ELL: variants seen among roughly 807,000 people sequenced by gnomAD.
The protein encoded by ELL is elongation factor for RNA polymerase II.
In ELL, 18 loss-of-function variants were observed where a neutral mutation model predicts 64.0. The observed-to-expected ratio is 0.28, with a 90% CI of 0.19 to 0.42. The LOEUF (loss-of-function observed/expected upper bound fraction) is 0.42, where lower values mean the gene tolerates loss of function less well. Among genes scored for constraint, ELL ranks in the 10% least tolerant of loss-of-function variants. The pLI is 1.00. For missense variants in ELL, 797 were observed against 870.4 expected, an observed-to-expected ratio of 0.92 and a Z score of 1.06; for synonymous variants, 399 against 376.2, an observed-to-expected ratio of 1.06 and a Z score of -0.70.
chr19:18,452,848 G>C (rs1443617865), intron 6 of ELL, among the ~76,000 whole-genome samples: 1 of 152,240 alleles, frequency 6.6e-6, no homozygotes, highest in Non-Finnish European at 1.5e-5. Context: ...GGGATTCAGA[G>C]GCCCCAAGCT....
chr19:18,498,101 T>C (rs1252844566), intron 1 of ELL, among the ~76,000 whole-genome samples: 1 of 151,542 alleles, frequency 6.6e-6, no homozygotes, highest in African/African-American at 2.4e-5. Context: ...CACTCCATCC[T>C]GGGCAACAAG....
chr19:18,484,662 T>TAACAA (rs1356105318), intron 1 of ELL, among the ~76,000 whole-genome samples: 3 of 151,880 alleles, frequency 2.0e-5, no homozygotes, highest in African/African-American at 4.8e-5. Flanking sequence ...AAACAAAACA[T>TAACAA]AACAAAACCG....
At chr19:18,482,800 C>CTGCTGT (rs1975333099) in intron 1 of ELL, among the ~76,000 whole-genome samples, 1 of 85,924 alleles carries the variant, frequency 1.2e-5, no homozygotes, top group Non-Finnish European at 2.2e-5. Flanking sequence ...GTTGTTGCTG[C>CTGCTGT]TGTTGTTTTG....
At chr19:18,484,303 A>G (rs980618265) in intron 1 of ELL, among the ~76,000 whole-genome samples, 6 of 152,162 alleles carry the variant, frequency 3.9e-5, no homozygotes, top group African/African-American at 1.4e-4. Flanking sequence ...CATCTCTACT[A>G]AAAACACAAA....
chr19:18,465,609 C>G (rs1365950903), intron 3 of ELL, 34 bp from the exon 4 acceptor site: 8 of 1,557,588 alleles, frequency 5.1e-6, no homozygotes, highest in Non-Finnish European at 6.1e-6. Flanking sequence ...GGGTCAGCAG[C>G]TGGGACAATG....
intron 1 of ELL, among the ~76,000 whole-genome samples, chr19:18,497,749 C>A (rs1975689072): frequency 7.6e-6 from 1 of 130,988 alleles, no homozygotes; most frequent in South Asian, 2.4e-4. Context: ...CCTAGGAGAT[C>A]AAGGCTGCAG....
intron 2 of ELL, among the ~76,000 whole-genome samples, chr19:18,468,670 C>T (rs937913603): frequency 1.3e-5 from 2 of 152,258 alleles, no homozygotes; most frequent in Non-Finnish European, 2.9e-5. Context: ...TTAACCCCCA[C>T]TGCCCCCTGT....
chr19:18,445,338 C>T (rs989359523), intron 10 of ELL, 70 bp from the exon 11 acceptor site: 1 of 1,513,094 alleles, frequency 6.6e-7, no homozygotes, highest in Admixed American at 1.7e-5. Flanking sequence ...ATTGAGTGGT[C>T]CCAGGTGCTC....
intron 2 of ELL, among the ~76,000 whole-genome samples, chr19:18,472,178 C>G (rs1975077508): frequency 6.6e-6 from 1 of 152,022 alleles, no homozygotes; most frequent in African/African-American, 2.4e-5. Context: ...TCAGGCTGGT[C>G]TCAAACTCCA....
At chr19:18,488,549 C>T (rs1004547293) in intron 1 of ELL, among the ~76,000 whole-genome samples, 11 of 152,186 alleles carry the variant, frequency 7.2e-5, no homozygotes, top group Non-Finnish European at 1.6e-4. Flanking sequence ...TCCCAGCATC[C>T]ACGGGGCGGG....
intron 1 of ELL, among the ~76,000 whole-genome samples, chr19:18,518,753 C>T (rs1486113819): frequency 3.3e-5 from 5 of 151,164 alleles, no homozygotes; most frequent in Admixed American, 3.3e-4. Context: ...ATCACGCCAG[C>T]GCAATCCAGC....
At chr19:18,459,607 C>T (rs1156452748) in intron 5 of ELL, among the ~76,000 whole-genome samples, 2 of 150,360 alleles carry the variant, frequency 1.3e-5, no homozygotes, top group African/African-American at 4.9e-5. Flanking sequence ...GCAAGCTCCG[C>T]CTCCCGGGTT....
intron 6 of ELL, among the ~76,000 whole-genome samples, chr19:18,454,229 A>G (rs8107743): frequency 0.47 from 70,819 of 152,130 alleles, 19,077 homozygotes; most frequent in African/African-American, 0.76. Context: ...GCCGGGCCCG[A>G]TGGCTCACGC....
At chr19:18,505,854 C>T (rs1419780241) in intron 1 of ELL, among the ~76,000 whole-genome samples, 7 of 152,154 alleles carry the variant, frequency 4.6e-5, no homozygotes, top group Admixed American at 3.9e-4. Flanking sequence ...ACCTGACCTC[C>T]CACCCACAGG....
At chr19:18,497,375 G>A (rs1252862476) in intron 1 of ELL, among the ~76,000 whole-genome samples, 1 of 152,224 alleles carries the variant, frequency 6.6e-6, no homozygotes, top group African/African-American at 2.4e-5. Context: ...AGGGGAGGAA[G>A]GGGATGAGTA....
At chr19:18,482,424 T>TCTCCTG (rs1159365438) in intron 1 of ELL, among the ~76,000 whole-genome samples, 1 of 146,264 alleles carries the variant, frequency 6.8e-6, no homozygotes, top group African/African-American at 2.6e-5. Flanking sequence ...TTGAAGCAAT[T>TCTCCTG]CTCCTGCCTC....
chr19:18,485,560 T>G (rs1975393188), intron 1 of ELL, among the ~76,000 whole-genome samples: 1 of 152,000 alleles, frequency 6.6e-6, no homozygotes, highest in Non-Finnish European at 1.5e-5. Context: ...GGAGACCAGG[T>G]CTGGCCCCCA....
rs45572632 is a variant in ELL, at chr19:18,465,881, G to A, written c.221C>T (p.Ala74Val). Reference protein sequence around the residue: ...SIPQPDCPAEARTFSFYLSNI... With the variant: ...SIPQPDCPAEVRTFSFYLSNI... The stretch of plus-strand genomic sequence containing the variant: ...GGAGAGGTAGAAGGAGAACGTCCGC[G>A]CCTCTGCGGGGCAGTCAGGCTGGGG... The change falls in exon 3 of 12, where the codon GCG becomes GTG. Residue 74 changes from alanine (A) to valine (V), a missense_variant. Transcript: ENST00000262809. The A allele has an allele frequency of 5.1e-3, 6,784 of 1,332,896 alleles. 33 individuals carry two copies. The highest frequency in any genetic ancestry group is 6.5e-3 in the East Asian group (234 of 35,912). 82.6% of individuals were successfully genotyped at this position (1,332,896 alleles called of 1,614,324 possible).
chr19:18,498,395 A>G (rs1975706936), intron 1 of ELL, among the ~76,000 whole-genome samples: 1 of 152,192 alleles, frequency 6.6e-6, no homozygotes, highest in South Asian at 2.1e-4. Context: ...CCTCAGCTAG[A>G]AGACAACCAG....
Sources: gnomAD v4.1 joint callset for allele counts (sites outside exome capture counted in the v4.1 genomes callset) on GRCh38, gnomAD v4.1.1 for gene constraint, MANE v1.5 for transcripts, NCBI Gene and HGNC (gene_info 2026-07-23, HGNC 2026-07-21) for gene names.